Variants in ABCA10 observed in about 807,000 individuals in gnomAD.
ABCA10 encodes ATP binding cassette subfamily A member 10, also known as ATP-binding cassette sub-family A member 10.
ABCA10 carries 169 observed loss-of-function variants against 187.5 expected under a neutral mutation model. The observed-to-expected ratio is 0.90, with a 90% CI of 0.80 to 1.02. ABCA10 has a LOEUF of 1.02. ABCA10 is among the 50% of genes least tolerant of loss of function. The pLI is 0.00. For missense variants in ABCA10, 1,727 were observed against 1,812.4 expected, an observed-to-expected ratio of 0.95 and a Z score of 0.86; for synonymous variants, 574 against 601.8, an observed-to-expected ratio of 0.95 and a Z score of 0.68.
At chr17:69,219,054 A>T (rs990426771) in intron 6 of ABCA10, among the ~76,000 whole-genome samples, 1 of 152,130 alleles carries the variant, frequency 6.6e-6, no homozygotes, top group African/African-American at 2.4e-5. Context: ...ATATGATGTG[A>T]GCAGGAGCTT....
At chr17:69,236,075 G>C (rs1188684765) in intron 1 of ABCA10, among the ~76,000 whole-genome samples, 1 of 152,082 alleles carries the variant, frequency 6.6e-6, no homozygotes, top group East Asian at 1.9e-4. Context: ...AAGATCCTGG[G>C]TTTGCATCTT....
intron 27 of ABCA10, among the ~76,000 whole-genome samples, chr17:69,161,453 T>C (rs2074217716): frequency 6.6e-6 from 1 of 152,176 alleles, no homozygotes; most frequent in South Asian, 2.1e-4. Flanking sequence ...GAAAAATAAT[T>C]GCAGTTGTTT....
chr17:69,153,917 C>T lies in ABCA10; in HGVS notation c.3879G>A (p.Trp1293Ter), dbSNP rs775793828. The T allele has an allele frequency of 1.4e-5, 22 of 1,614,092 alleles. No homozygotes were observed. Among genetic ancestry groups the T allele is most frequent in the Admixed American group, 3.3e-5 (2 of 60,004 alleles). The change falls in exon 32 of 39, where the codon TGG (tryptophan) becomes TGA (stop). Residue 1293 changes from tryptophan (W) to a stop codon, truncating the protein, a stop_gained. Transcript: ENST00000690296. LOFTEE classifies it high-confidence loss of function. Reference protein sequence around the residue: ...LGYCPQENSLWPKLTMKEHLE... With the variant: ...LGYCPQENSL ...AGTGCTCTTTCATTGTAAGCTTGGGCCACAGTGAGTTCTCCTGAGGGCAGT... is the reference window on the plus strand; with the variant it reads ...AGTGCTCTTTCATTGTAAGCTTGGGTCACAGTGAGTTCTCCTGAGGGCAGT...
intron 6 of ABCA10, among the ~76,000 whole-genome samples, chr17:69,216,888 T>C (rs1164812318): frequency 2.0e-5 from 3 of 152,116 alleles, no homozygotes; most frequent in East Asian, 1.9e-4. Context: ...CATTAGACAA[T>C]GTATTATTTT....
intron 25 of ABCA10, 95 bp from the exon 26 acceptor site, chr17:69,165,178 C>A (rs1598091213): frequency 1.9e-6 from 2 of 1,057,752 alleles, no homozygotes; most frequent in Admixed American, 5.1e-5. Flanking sequence ...GGAGATACTG[C>A]CATTTTCAAC....
chr17:69,225,243 C>T (rs886165252), intron 3 of ABCA10, 82 bp downstream of exon 3: 2 of 1,466,314 alleles, frequency 1.4e-6, no homozygotes, highest in East Asian at 2.3e-5. Flanking sequence ...GACACACAGG[C>T]TAGGTAAGTA....
At chr17:69,226,300 T>G (rs1011762143) in intron 2 of ABCA10, among the ~76,000 whole-genome samples, 1 of 152,082 alleles carries the variant, frequency 6.6e-6, no homozygotes, top group African/African-American at 2.4e-5. Flanking sequence ...ATTTTCACAT[T>G]TCTGGATTGA....
At chr17:69,170,781 A>G (rs1022393622) in intron 25 of ABCA10, among the ~76,000 whole-genome samples, 3 of 152,128 alleles carry the variant, frequency 2.0e-5, no homozygotes, top group African/African-American at 7.2e-5. Context: ...AAATTCTTCA[A>G]GGACAAAAAC....
chr17:69,192,384 T>C (rs1454654067), intron 16 of ABCA10, among the ~76,000 whole-genome samples, 179 bp downstream of exon 16: 1 of 152,172 alleles, frequency 6.6e-6, no homozygotes, highest in Non-Finnish European at 1.5e-5. Context: ...TTAGCATGCT[T>C]AAAACCAAGA....
intron 20 of ABCA10, among the ~76,000 whole-genome samples, chr17:69,185,236 A>G (rs2074412114): frequency 6.6e-6 from 1 of 152,168 alleles, no homozygotes; most frequent in Non-Finnish European, 1.5e-5. Context: ...AATCTCAGAA[A>G]TCACCATTAA....
In ABCA10 at chr17:69,240,461, T is replaced by C. The variant is rs146176218; in HGVS notation, c.-593+4068A>G. The stretch of plus-strand genomic sequence containing the variant: ...GGAATATAGGCAGTTCATTTCAGCA[T>C]CCACAGGAGCCTGAACAATGGGCCA... On this transcript the variant is annotated intron_variant, in intron 1 of 39. Coordinates refer to the ABCA10 transcript ENST00000269081. Among the ~76,000 whole-genome samples the C allele has an allele frequency of 5.2e-3, 786 of 152,300 alleles. 5 individuals carry two copies. Among genetic ancestry groups the C allele is most frequent in the African/African-American group, 0.018 (751 of 41,564 alleles).
intron 9 of ABCA10, among the ~76,000 whole-genome samples, chr17:69,213,200 C>T (rs1451735314): frequency 6.6e-6 from 1 of 152,180 alleles, no homozygotes; most frequent in Non-Finnish European, 1.5e-5. Context: ...GCACCAGCTG[C>T]TGTAGCGCCC....
At chr17:69,235,544 T>C (rs1188523216) in intron 1 of ABCA10, among the ~76,000 whole-genome samples, 1 of 152,162 alleles carries the variant, frequency 6.6e-6, no homozygotes, top group East Asian at 1.9e-4. Flanking sequence ...TTCATTCAGT[T>C]CTGGCTTCTT....
upstream of ABCA10, among the ~76,000 whole-genome samples, chr17:69,232,446 CAAGTT>C (rs1320955382): frequency 6.6e-6 from 1 of 151,908 alleles, no homozygotes; most frequent in Non-Finnish European, 1.5e-5. Context: ...AAACATCTAA[CAAGTT>C]ATTTTAAAAT....
At position 69,174,355 on chromosome 17, in the gene ABCA10, G is replaced by C; in HGVS notation, c.3088C>G (p.Leu1030Val). The C allele has an allele frequency of 6.2e-7, 1 of 1,603,272 alleles. No homozygotes were observed. Among genetic ancestry groups the C allele is most frequent in the Non-Finnish European group, 8.5e-7 (1 of 1,177,176 alleles). Residue 1030 changes from leucine to valine, a missense_variant, in exon 25 of 39, where the codon CTC (leucine) becomes GTC (valine). Physicochemically the swap from Leu to Val is conservative, Grantham distance 32. Coordinates refer to ENST00000690296, the MANE Select transcript of ABCA10 (RefSeq NM_001377321.1). Reference protein sequence around the residue: ...IIGCAVSLIFLTYVLSFIFRK... With the variant: ...IIGCAVSLIFVTYVLSFIFRK... ...AAGATGAATGAAAGCACATATGTGA[G>C]GAATATAAGAGAAACTGCACAACCA...
rs756235673 is a variant in ABCA10, at chr17:69,191,304, T to C, written c.1883A>G (p.Asn628Ser). 3 of 1,566,746 alleles carry C rather than the reference T, an allele frequency of 1.9e-6. No individual in the cohort carries two copies. The South Asian group carries it at 3.6e-5, about 19-fold the overall frequency. ...GATTTTTTCTGTGTCACACATTTCA[T>C]TCCTGTGTAAACTATTATTTCAAAA... ...GIGYHLSLHR[N>S]EMCDTEKITS... The change falls in exon 17 of 39, where the codon AAT becomes AGT. Residue 628 changes from asparagine (N) to serine (S), a missense_variant. Coordinates refer to ENST00000690296, the MANE Select transcript of ABCA10 (RefSeq NM_001377321.1).
chr17:69,230,050 G>A (rs1349380964), upstream of ABCA10, among the ~76,000 whole-genome samples: 2 of 151,964 alleles, frequency 1.3e-5, no homozygotes, highest in Non-Finnish European at 2.9e-5. Flanking sequence ...TAGGTCATGA[G>A]GGCTCCACCC....
At position 69,190,348 on chromosome 17, in the gene ABCA10, A is replaced by T. The variant is rs1051859664; in HGVS notation, c.2131+10T>A. ...TTTCTTAATTTTCTGCTAGACACAC[A>T]TTTTTATACCTGGTTCATCAATTGC... is the stretch of plus-strand genomic sequence containing the variant. On this transcript the variant is annotated intron_variant, in intron 18 of 38. Transcript: ENST00000690296. The T allele has an allele frequency of 6.5e-7, 1 of 1,534,772 alleles. No homozygotes were observed. Among genetic ancestry groups the T allele is most frequent in the Non-Finnish European group, 8.7e-7 (1 of 1,152,108 alleles).
Position 69,187,764 on chromosome 17 carries a change from T to C in ABCA10, c.2247A>G (p.Ala749=). 6.2e-7 allele frequency: 1 copy of C among 1,613,960 alleles called. No individual in the cohort carries two copies. Among genetic ancestry groups the C allele is most frequent in the Non-Finnish European group, 8.5e-7 (1 of 1,179,818 alleles). ...CATAGATTTGTCGTCTCCAGAGAGCTGCACTACTGACAGCCTTTCTTGTTT... is the reference window on the plus strand; with the variant it reads ...CATAGATTTGTCGTCTCCAGAGAGCCGCACTACTGACAGCCTTTCTTGTTT... ...LPETRKAVSS[A]ALWRRQIYAV... is the part of the protein sequence containing the mutation. The change falls in exon 19 of 39, where the codon GCA becomes GCG. Residue 749 remains alanine (A), a synonymous_variant. Transcript: ENST00000690296.
Sources: allele counts gnomAD v4.1 joint callset (sites outside exome capture counted in the v4.1 genomes callset), GRCh38; gene constraint gnomAD v4.1.1; transcripts MANE v1.5; gene names NCBI Gene and HGNC (gene_info 2026-07-23, HGNC 2026-07-21).